Variants in EYS observed in about 807,000 individuals in gnomAD.
The protein encoded by EYS is protein eyes shut homolog.
Under a neutral mutation model 282.1 loss-of-function variants are expected in EYS, and 250 were observed. The ratio of observed to expected loss-of-function variants is 0.89; its 90% CI spans 0.80 to 0.98. The LOEUF (loss-of-function observed/expected upper bound fraction) is 0.98, where lower values mean the gene tolerates loss of function less well. EYS is among the 50% of genes least tolerant of loss of function. The probability of loss-of-function intolerance (pLI) is 0.00; values close to 1 mark genes in which losing one functional copy is unlikely to be tolerated. For synonymous variants in EYS, 1,355 were observed against 1,282.9 expected, an observed-to-expected ratio of 1.06 and a Z score of -1.20; for missense variants, 4,016 against 3,709.0, an observed-to-expected ratio of 1.08 and a Z score of -2.15.
chr6:64,611,306 G>C (rs576697918), intron 24 of EYS, among the ~76,000 whole-genome samples: 1 of 152,090 alleles, frequency 6.6e-6, no homozygotes, highest in Non-Finnish European at 1.5e-5. Flanking sequence ...AAGTTTCAGC[G>C]CTTTTAGAGA....
chr6:63,831,328 T>C (rs954586347), intron 36 of EYS, among the ~76,000 whole-genome samples: 4 of 152,110 alleles, frequency 2.6e-5, no homozygotes, highest in Non-Finnish European at 5.9e-5. Flanking sequence ...ACCCATCTCA[T>C]GTGCAGAGAC....
At chr6:64,152,260 A>T (rs1043167568) in intron 31 of EYS, among the ~76,000 whole-genome samples, 2 of 152,238 alleles carry the variant, frequency 1.3e-5, no homozygotes, top group Non-Finnish European at 2.9e-5. Context: ...GTTTCCAAAT[A>T]TAATGTTTAG....
chr6:65,527,817 G>T (rs375161389), intron 2 of EYS, among the ~76,000 whole-genome samples: 1 of 147,732 alleles, frequency 6.8e-6, no homozygotes, highest in Non-Finnish European at 1.5e-5. Context: ...TCCACACATG[G>T]GACCTCCCTA....
intron 2 of EYS, among the ~76,000 whole-genome samples, chr6:65,547,191 T>C (rs954595033): frequency 6.6e-6 from 1 of 150,630 alleles, no homozygotes. Flanking sequence ...ATGTTCTTTA[T>C]AGAGTTGAGC....
At chr6:64,600,819 A>C (rs983493637) in intron 24 of EYS, among the ~76,000 whole-genome samples, 1 of 152,108 alleles carries the variant, frequency 6.6e-6, no homozygotes, top group South Asian at 2.1e-4. Flanking sequence ...ATCTAAGTAC[A>C]TACATATTTC....
chr6:65,598,818 A>C (rs1269103413), intron 2 of EYS, among the ~76,000 whole-genome samples: 1 of 152,080 alleles, frequency 6.6e-6, no homozygotes. Context: ...TCACTTACTA[A>C]GTCTTTATCC....
At chr6:64,323,831 C>T (rs1400640615) in intron 29 of EYS, among the ~76,000 whole-genome samples, 1 of 152,028 alleles carries the variant, frequency 6.6e-6, no homozygotes, top group East Asian at 1.9e-4. Flanking sequence ...GCCGTGGTAT[C>T]CATCCAGATC....
At chr6:65,570,857 A>G (rs1017621816) in intron 2 of EYS, among the ~76,000 whole-genome samples, 16 of 152,166 alleles carry the variant, frequency 1.1e-4, no homozygotes, top group African/African-American at 3.9e-4. Context: ...TGTCTTCAGT[A>G]GATTAAAAGT....
At chr6:64,527,229 T>A (rs893723657) in intron 26 of EYS, among the ~76,000 whole-genome samples, 1 of 151,742 alleles carries the variant, frequency 6.6e-6, no homozygotes, top group East Asian at 1.9e-4. Flanking sequence ...TAATGAGAGC[T>A]CCTGGGCTTA....
chr6:64,986,198 T>C (rs1003106271), intron 14 of EYS, among the ~76,000 whole-genome samples: 21 of 151,468 alleles, frequency 1.4e-4, no homozygotes, highest in African/African-American at 4.8e-4. Context: ...AAAAAGAATA[T>C]AGAAAAAAAG....
intron 26 of EYS, among the ~76,000 whole-genome samples, chr6:64,577,000 C>T (rs1477996799): frequency 3.9e-5 from 6 of 151,946 alleles, no homozygotes; most frequent in Admixed American, 6.6e-5. Context: ...TGAAGACACA[C>T]GGGGAGAATA....
At chr6:65,221,671 G>A (rs1385393939) in intron 12 of EYS, among the ~76,000 whole-genome samples, 1 of 152,164 alleles carries the variant, frequency 6.6e-6, no homozygotes, top group Non-Finnish European at 1.5e-5. Context: ...GTGCCCACTG[G>A]GGCACTGCCT....
intron 2 of EYS, among the ~76,000 whole-genome samples, chr6:65,524,886 C>T (rs902153358): frequency 1.3e-5 from 2 of 152,146 alleles, no homozygotes; most frequent in African/African-American, 4.8e-5. Context: ...AGAAAGCTGG[C>T]TGATCACCTT....
intron 5 of EYS, among the ~76,000 whole-genome samples, chr6:65,437,234 C>A (rs574583430): frequency 1.3e-5 from 2 of 152,102 alleles, no homozygotes; most frequent in Non-Finnish European, 2.9e-5. Flanking sequence ...AATATCCTAA[C>A]AACTGCAGTT....
intron 29 of EYS, among the ~76,000 whole-genome samples, chr6:64,365,680 C>A (rs1772159326): frequency 6.6e-6 from 1 of 151,986 alleles, no homozygotes; most frequent in African/African-American, 2.4e-5. Flanking sequence ...TAACTTTTTG[C>A]ATACATATAT....
At chr6:64,599,229 C>T (rs999420025) in intron 24 of EYS, among the ~76,000 whole-genome samples, 10 of 152,078 alleles carry the variant, frequency 6.6e-5, no homozygotes, top group Non-Finnish European at 1.3e-4. Flanking sequence ...AATATACACT[C>T]AATGGAGCTT....
intron 18 of EYS, among the ~76,000 whole-genome samples, chr6:64,890,038 T>A (rs1767229230): frequency 1.3e-5 from 1 of 79,632 alleles, no homozygotes; most frequent in African/African-American, 4.6e-5. Context: ...GGTATAGGCC[T>A]ATAAATGCCC....
At chr6:64,092,421 C>G (rs1354137809) in intron 31 of EYS, among the ~76,000 whole-genome samples, 1 of 152,002 alleles carries the variant, frequency 6.6e-6, no homozygotes, top group Non-Finnish European at 1.5e-5. Context: ...CTGTTGTTTC[C>G]TGACTTTTTA....
At chr6:64,559,661 T>C (rs1396350453) in intron 26 of EYS, among the ~76,000 whole-genome samples, 1 of 152,118 alleles carries the variant, frequency 6.6e-6, no homozygotes, top group East Asian at 1.9e-4. Context: ...TAATATTGAT[T>C]CTTTGTTAAA....
Sources: allele counts gnomAD v4.1 joint callset (sites outside exome capture counted in the v4.1 genomes callset), GRCh38; gene constraint gnomAD v4.1.1; transcripts MANE v1.5; gene names NCBI Gene and HGNC (gene_info 2026-07-23, HGNC 2026-07-21).